HPSE2: variants seen among roughly 807,000 people sequenced by gnomAD.
The protein encoded by HPSE2 is heparanase 2 (inactive), also known as inactive heparanase-2.
A neutral mutation model predicts 60.5 loss-of-function variants in HPSE2; 38 were observed. The ratio of observed to expected loss-of-function variants is 0.63; its 90% CI spans 0.48 to 0.82. The LOEUF (loss-of-function observed/expected upper bound fraction) is 0.82, where lower values mean the gene tolerates loss of function less well. HPSE2 is among the 40% of genes least tolerant of loss of function. The pLI, the probability that HPSE2 is intolerant of heterozygous loss-of-function variation, is 0.00. For missense variants in HPSE2, 713 were observed against 740.4 expected, an observed-to-expected ratio of 0.96 and a Z score of 0.43; for synonymous variants, 295 against 293.2, an observed-to-expected ratio of 1.01 and a Z score of -0.06.
At chr10:98,525,876 T>A (rs1451832761) in intron 9 of HPSE2, among the ~76,000 whole-genome samples, 1 of 152,184 alleles carries the variant, frequency 6.6e-6, no homozygotes, top group Non-Finnish European at 1.5e-5. Context: ...ATGAATAATA[T>A]TTGAACTTCA....
the HPSE2 span, among the ~76,000 whole-genome samples, chr10:99,283,394 C>T: frequency 6.6e-6 from 1 of 150,454 alleles, no homozygotes; most frequent in African/African-American, 2.4e-5. Flanking sequence ...ATCTCAGCTG[C>T]TTGGGAGGCT....
Position 98,744,029 on chromosome 10 carries a change from A to T in HPSE2, c.638T>A (p.Phe213Tyr). ...CAGGTGGAGTCCAGAGCAATCAGCA[A>T]AGTTATAAAGTTTGTCTAGAGACCT... ...TARSLDKLYN[F>Y]ADCSGLHLIF... The change falls in exon 4 of 12, where the codon TTT (phenylalanine) becomes TAT (tyrosine). Residue 213 changes from phenylalanine to tyrosine, a missense_variant. Coordinates refer to ENST00000370552, the MANE Select transcript of HPSE2 (RefSeq NM_021828.5). 6.2e-7 allele frequency: 1 copy of T among 1,614,128 alleles called. No individual in the cohort carries two copies. Among genetic ancestry groups the T allele is most frequent in the Non-Finnish European group, 8.5e-7 (1 of 1,179,990 alleles).
intron 3 of HPSE2, among the ~76,000 whole-genome samples, chr10:98,778,516 C>G (rs1286962145): frequency 6.6e-6 from 1 of 151,958 alleles, no homozygotes; most frequent in Non-Finnish European, 1.5e-5. Context: ...ATCTAGCTGT[C>G]CCACAGGGAA....
chr10:98,780,639 C>A (rs1950444127), intron 3 of HPSE2, among the ~76,000 whole-genome samples: 1 of 151,896 alleles, frequency 6.6e-6, no homozygotes, highest in African/African-American at 2.4e-5. Flanking sequence ...ATACCATAGC[C>A]ACAAAATAGG....
intron 2 of HPSE2, among the ~76,000 whole-genome samples, chr10:99,161,655 G>A (rs1320744905): frequency 3.3e-5 from 5 of 152,098 alleles, no homozygotes; most frequent in Non-Finnish European, 7.4e-5. Context: ...CTACATACTT[G>A]TAATGGGTGA....
At chr10:98,507,659 G>A (rs771244513) in intron 9 of HPSE2, among the ~76,000 whole-genome samples, 13 of 151,170 alleles carry the variant, frequency 8.6e-5, no homozygotes, top group African/African-American at 2.7e-4. Context: ...TTCAAACTCC[G>A]TCCTCCCCCT....
At chr10:99,242,982 T>C in the HPSE2 span, among the ~76,000 whole-genome samples, 1 of 152,228 alleles carries the variant, frequency 6.6e-6, no homozygotes, top group Non-Finnish European at 1.5e-5. Context: ...TTTTGAAATA[T>C]AATTTACATA....
intron 11 of HPSE2, among the ~76,000 whole-genome samples, chr10:98,469,773 C>T (rs1262285924): frequency 6.6e-6 from 1 of 152,204 alleles, no homozygotes; most frequent in East Asian, 1.9e-4. Context: ...TACTTCCAAA[C>T]CCTTAGTGAT....
At chr10:99,088,407 T>C (rs751060307) in intron 3 of HPSE2, among the ~76,000 whole-genome samples, 2 of 152,190 alleles carry the variant, frequency 1.3e-5, no homozygotes, top group East Asian at 1.9e-4. Flanking sequence ...ATCATTCTTA[T>C]GCCTTTGCAT....
At chr10:99,313,843 G>T in the HPSE2 span, among the ~76,000 whole-genome samples, 1 of 151,522 alleles carries the variant, frequency 6.6e-6, no homozygotes, top group Non-Finnish European at 1.5e-5. Context: ...CTCATAATCT[G>T]CCGGCCTCGA....
intron 3 of HPSE2, among the ~76,000 whole-genome samples, chr10:99,084,817 C>T (rs561392535): frequency 6.6e-6 from 1 of 152,262 alleles, no homozygotes; most frequent in East Asian, 1.9e-4. Context: ...AAAAATAAGC[C>T]AATGGACCAA....
chr10:98,483,665 C>G (rs1941333094), intron 10 of HPSE2, among the ~76,000 whole-genome samples: 2 of 152,140 alleles, frequency 1.3e-5, no homozygotes, highest in African/African-American at 4.8e-5. Flanking sequence ...TGGCAAAAAC[C>G]TCTAGGCAGA....
rs992986118 is a variant in HPSE2, at chr10:98,655,366, C to T, written c.1005-13426G>A. Reference sequence around the variant, plus strand: ...AGACTGCAGCTCCCAGGTTTTTAAGCTCAAATTAGTTCATACGAATTCTCC... The same window carrying T: ...AGACTGCAGCTCCCAGGTTTTTAAGTTCAAATTAGTTCATACGAATTCTCC... On this transcript the variant is annotated intron_variant, in intron 6 of 11. Coordinates refer to ENST00000370552, the MANE Select transcript of HPSE2 (RefSeq NM_021828.5). 6.6e-5 allele frequency among the ~76,000 whole-genome samples: 10 copies of T among 152,236 alleles called. No homozygotes were observed. In the East Asian group the frequency reaches 1.9e-3, roughly 29 times the overall value.
At chr10:98,866,130 G>A (rs1273007053) in intron 3 of HPSE2, among the ~76,000 whole-genome samples, 2 of 152,010 alleles carry the variant, frequency 1.3e-5, no homozygotes, top group Non-Finnish European at 2.9e-5. Flanking sequence ...ATCAAAGAAT[G>A]ACATACTGTA....
intron 3 of HPSE2, among the ~76,000 whole-genome samples, chr10:99,091,634 T>G (rs1161353481): frequency 1.3e-5 from 2 of 152,154 alleles, no homozygotes; most frequent in African/African-American, 2.4e-5. Flanking sequence ...TATGCTCCAT[T>G]TGGCATTCTG....
chr10:98,658,324 GA>G (rs1947131977), intron 6 of HPSE2, among the ~76,000 whole-genome samples: 1 of 152,160 alleles, frequency 6.6e-6, no homozygotes, highest in Non-Finnish European at 1.5e-5. Context: ...TGTGTTCTAA[GA>G]AAATTTTATT....
intron 2 of HPSE2, among the ~76,000 whole-genome samples, chr10:99,205,163 G>T (rs773242659): frequency 2.0e-5 from 3 of 152,126 alleles, no homozygotes; most frequent in Non-Finnish European, 4.4e-5. Context: ...TGGGTACTGG[G>T]TATTCTAGAA....
chr10:98,612,758 A>G (rs12247273), intron 9 of HPSE2, among the ~76,000 whole-genome samples: 18,444 of 152,212 alleles, frequency 0.12, 2,190 homozygotes, highest in African/African-American at 0.3. Flanking sequence ...ACTAACATTT[A>G]ATGCGTGAAT....
intron 3 of HPSE2, among the ~76,000 whole-genome samples, chr10:98,951,861 C>A (rs1225087993): frequency 6.6e-6 from 1 of 152,142 alleles, no homozygotes; most frequent in Non-Finnish European, 1.5e-5. Flanking sequence ...ACAAGCTTAA[C>A]AGATTATCCA....
Sources: allele counts gnomAD v4.1 joint callset (sites outside exome capture counted in the v4.1 genomes callset), GRCh38; gene constraint gnomAD v4.1.1; transcripts MANE v1.5; gene names NCBI Gene and HGNC (gene_info 2026-07-23, HGNC 2026-07-21).